The following MYO3B variants were observed in gnomAD, a reference collection of about 807,000 sequenced individuals.
The protein encoded by MYO3B is myosin-IIIb.
MYO3B carries 156 observed loss-of-function variants against 174.6 expected under a neutral mutation model. The observed-to-expected ratio is 0.89, with a 90% CI of 0.78 to 1.02. The LOEUF (loss-of-function observed/expected upper bound fraction) is 1.02. Among genes scored for constraint, MYO3B ranks in the 50% least tolerant of loss-of-function variants. The probability of loss-of-function intolerance (pLI) is 0.00; values close to 1 mark genes in which losing one functional copy is unlikely to be tolerated. For synonymous variants in MYO3B, 563 were observed against 569.1 expected, an observed-to-expected ratio of 0.99 and a Z score of 0.15; for missense variants, 1,632 against 1,639.4, an observed-to-expected ratio of 1.00 and a Z score of 0.08.
Position 170,402,886 on chromosome 2 carries a change from T to A in MYO3B, c.2168T>A (p.Ile723Asn). The change falls in exon 19 of 35, where the codon ATC (isoleucine) becomes AAC (asparagine). Residue 723 changes from isoleucine to asparagine, a missense_variant. Ile to Asn is a moderately radical substitution (Grantham distance 149). Transcript: ENST00000408978. ...GGGMNVGILD[I>N]FGFENFQRNS... is the part of the protein sequence containing the mutation. ...GGAATGAATGTGGGGATCTTGGATATCTTTGGATTCGAGAATTTTCAGAGA... is the reference window on the plus strand; with the variant it reads ...GGAATGAATGTGGGGATCTTGGATAACTTTGGATTCGAGAATTTTCAGAGA... The A allele has an allele frequency of 1.2e-6, 2 of 1,612,182 alleles. No individual in the cohort carries two copies. The highest frequency in any genetic ancestry group is 1.7e-6 in the Non-Finnish European group (2 of 1,178,528).
At chr2:170,212,732 G>A (rs1344186499) in intron 3 of MYO3B, among the ~76,000 whole-genome samples, 1 of 152,142 alleles carries the variant, frequency 6.6e-6, no homozygotes, top group African/African-American at 2.4e-5. Flanking sequence ...GAGCTAAAGA[G>A]AGCAGGCTAC....
At position 170,237,214 on chromosome 2, in the gene MYO3B, T is replaced by C. The variant is rs574515042; in HGVS notation, c.749+1078T>C. 1.5e-4 allele frequency among the ~76,000 whole-genome samples: 23 copies of C among 152,272 alleles called. No individual in the cohort carries two copies. The South Asian group carries it at 4.2e-3, about 27-fold the overall frequency. On this transcript the variant is annotated intron_variant, in intron 7 of 34. Coordinates refer to ENST00000408978, the MANE Select transcript of MYO3B (RefSeq NM_138995.5). ...ATAGTCTGGTGAACATTCAAAAGGATATAAGAATGCAGGAGCTAAAAGCTG... is the reference window on the plus strand; with the variant it reads ...ATAGTCTGGTGAACATTCAAAAGGACATAAGAATGCAGGAGCTAAAAGCTG...
chr2:170,498,606 C>T lies in MYO3B; in HGVS notation c.3029C>T (p.Ala1010Val). 3 of 1,613,162 alleles carry T rather than the reference C, an allele frequency of 1.9e-6. No homozygotes were observed. The highest frequency in any genetic ancestry group is 2.5e-6 in the Non-Finnish European group (3 of 1,179,284). ...EEFVKRYYYL[A>V]FTAHQTPLAS... is the part of the protein sequence containing the mutation. ...TTATTTTGCAGGTATTATTACTTGG[C>T]ATTCACAGCACATCAAACACCTCTT... Residue 1010 changes from alanine to valine, a missense_variant, in exon 26 of 35, where the codon GCA becomes GTA. Coordinates refer to ENST00000408978, the MANE Select transcript of MYO3B (RefSeq NM_138995.5).
intron 28 of MYO3B, among the ~76,000 whole-genome samples, chr2:170,508,787 A>G (rs1282339908): frequency 2.6e-5 from 4 of 152,234 alleles, no homozygotes; most frequent in Admixed American, 2.0e-4. Flanking sequence ...AATGATGGCT[A>G]TGCTGCCATT....
intron 22 of MYO3B, among the ~76,000 whole-genome samples, chr2:170,428,082 A>G (rs2094679481): frequency 6.6e-6 from 1 of 152,254 alleles, no homozygotes; most frequent in East Asian, 1.9e-4. Context: ...CGTGCTAAGA[A>G]ACAAGAATGA....
chr2:170,604,450 A>T (rs572950661), intron 32 of MYO3B, among the ~76,000 whole-genome samples: 1 of 152,116 alleles, frequency 6.6e-6, no homozygotes, highest in Non-Finnish European at 1.5e-5. Context: ...AAGTGTGTGA[A>T]TTTTTTCAAT....
intron 28 of MYO3B, among the ~76,000 whole-genome samples, chr2:170,503,211 G>A (rs1687392045): frequency 6.6e-6 from 1 of 152,200 alleles, no homozygotes. Context: ...GATCCACTGA[G>A]TTCAGTATAC....
chr2:170,466,486 T>C lies in MYO3B; in HGVS notation c.2809-20T>C, dbSNP rs1457841166. On this transcript the variant is annotated intron_variant, in intron 24 of 34. Coordinates refer to ENST00000408978, the MANE Select transcript of MYO3B (RefSeq NM_138995.5). ...GTGTTGGTGGTAACCTTGTTCCTTG[T>C]GCATTTTTCTCCCTGGTAGTATTCT... is the stretch of plus-strand genomic sequence containing the variant. The C allele has an allele frequency of 6.2e-7, 1 of 1,612,344 alleles. No homozygotes were observed. The highest frequency in any genetic ancestry group is 8.5e-7 in the Non-Finnish European group (1 of 1,178,760).
intron 14 of MYO3B, among the ~76,000 whole-genome samples, chr2:170,388,998 C>T (rs1234898824): frequency 2.6e-5 from 4 of 152,112 alleles, no homozygotes; most frequent in East Asian, 1.9e-4. Flanking sequence ...AGGGAGCTAC[C>T]TCTGACAGAA....
intron 32 of MYO3B, among the ~76,000 whole-genome samples, chr2:170,566,557 G>A (rs1298964036): frequency 6.6e-6 from 1 of 152,152 alleles, no homozygotes; most frequent in African/African-American, 2.4e-5. Flanking sequence ...AGGGAGTTAT[G>A]AGTAGCCAGT....
At chr2:170,518,384 T>G (rs1273388061) in intron 29 of MYO3B, among the ~76,000 whole-genome samples, 1 of 152,224 alleles carries the variant, frequency 6.6e-6, no homozygotes, top group Non-Finnish European at 1.5e-5. Flanking sequence ...CTAGGTTATC[T>G]AAAATAAGGA....
At position 170,226,064 on chromosome 2, in the gene MYO3B, T is replaced by A. The variant is rs137925980; in HGVS notation, c.603+8669T>A. Among the ~76,000 whole-genome samples the A allele has an allele frequency of 6.0e-4, 92 of 152,352 alleles. 1 individual carries two copies. The East Asian group carries it at 0.015, about 26-fold the overall frequency. On this transcript the variant is annotated intron_variant, in intron 6 of 34. Transcript: ENST00000408978. Reference sequence around the variant, plus strand: ...GTTCTCATATTCCATGGCTCTGATGTTCCACAAGCAATGAGGGTGGGATCT... The same window carrying A: ...GTTCTCATATTCCATGGCTCTGATGATCCACAAGCAATGAGGGTGGGATCT...
intron 7 of MYO3B, among the ~76,000 whole-genome samples, chr2:170,315,227 TTGAC>T (rs1188163965): frequency 1.3e-5 from 2 of 150,866 alleles, no homozygotes; most frequent in Admixed American, 1.3e-4. Context: ...TGCAGACTGA[TTGAC>T]TGATTTCTCA....
At chr2:170,218,005 T>A (rs1462958388) in intron 6 of MYO3B, among the ~76,000 whole-genome samples, 3 of 152,230 alleles carry the variant, frequency 2.0e-5, no homozygotes, top group Non-Finnish European at 4.4e-5. Context: ...GTTTTTCAGG[T>A]CATTTAATTC....
chr2:170,648,657 ATATATTATATT>A (rs1322052443), intron 32 of MYO3B, among the ~76,000 whole-genome samples: 27 of 105,074 alleles, frequency 2.6e-4, no homozygotes, highest in African/African-American at 1.0e-3. Context: ...TCTATATAAT[ATATATTATATT>A]CTATATAATA....
At chr2:170,223,614 AT>A (rs1439552150) in intron 6 of MYO3B, among the ~76,000 whole-genome samples, 2 of 152,172 alleles carry the variant, frequency 1.3e-5, no homozygotes, top group Non-Finnish European at 1.5e-5. Context: ...TGCTCAACCA[AT>A]TTTTATATCA....
chr2:170,521,779 C>G (rs1307965424), intron 30 of MYO3B, among the ~76,000 whole-genome samples: 1 of 152,180 alleles, frequency 6.6e-6, no homozygotes, highest in Non-Finnish European at 1.5e-5. Context: ...TACCACCAGA[C>G]TTCCTCCAAC....
chr2:170,548,592 C>T (rs1456298199), intron 32 of MYO3B, among the ~76,000 whole-genome samples: 1 of 152,146 alleles, frequency 6.6e-6, no homozygotes, highest in East Asian at 1.9e-4. Flanking sequence ...GAGTTGAGAA[C>T]CAACTAGACA....
chr2:170,539,916 C>G (rs1326149166), intron 30 of MYO3B, among the ~76,000 whole-genome samples: 1 of 152,138 alleles, frequency 6.6e-6, no homozygotes, highest in Non-Finnish European at 1.5e-5. Flanking sequence ...GCCATCACAC[C>G]CAGCAACAAT....
Sources: allele counts gnomAD v4.1 joint callset (sites outside exome capture counted in the v4.1 genomes callset), GRCh38; gene constraint gnomAD v4.1.1; transcripts MANE v1.5; gene names NCBI Gene and HGNC (gene_info 2026-07-23, HGNC 2026-07-21).